ANO3: variants seen among roughly 807,000 people sequenced by gnomAD.
The protein encoded by ANO3 is anoctamin-3.
Under a neutral mutation model 144.8 loss-of-function variants are expected in ANO3, and 99 were observed. The observed-to-expected ratio is 0.68, with a 90% confidence interval of 0.58 to 0.81. The LOEUF is 0.81. Among genes scored for constraint, ANO3 ranks in the 30% least tolerant of loss-of-function variants. ANO3 has a pLI of 0.00. For synonymous variants in ANO3, 414 were observed against 392.6 expected (o/e 1.05, Z -0.64); for missense variants, 905 against 1,202.2 (o/e 0.75, Z 3.66).
intron 10 of ANO3, among the ~76,000 whole-genome samples, chr11:26,541,534 A>T (rs572634687): frequency 6.6e-6 from 1 of 152,300 alleles, no homozygotes; most frequent in African/African-American, 2.4e-5. Context: ...CTTAGCTTAT[A>T]AAAATGGAAG....
At chr11:26,472,079 T>C (rs1859804173) in intron 4 of ANO3, among the ~76,000 whole-genome samples, 1 of 151,950 alleles carries the variant, frequency 6.6e-6, no homozygotes, top group African/African-American at 2.4e-5. Flanking sequence ...GCATTCCAGT[T>C]AAATGGTGCA....
At chr11:26,307,824 G>A (rs116103120), upstream of ANO3, among the ~76,000 whole-genome samples, 129 of 151,762 alleles carry the variant, frequency 8.5e-4, no homozygotes, top group African/African-American at 2.9e-3. Context: ...ATTGCACTAC[G>A]TGTTTTCAGC....
intron 1 of ANO3, among the ~76,000 whole-genome samples, chr11:26,358,499 A>G (rs1295232179): frequency 6.6e-6 from 1 of 152,082 alleles, no homozygotes; most frequent in Non-Finnish European, 1.5e-5. Context: ...TCCTGTTGGG[A>G]TTTTTATTGG....
At position 26,641,899 on chromosome 11, in the gene ANO3, G is replaced by T; in HGVS notation, c.2145G>T (p.Leu715Phe). 1 of 1,613,926 alleles carries T rather than the reference G, an allele frequency of 6.2e-7. No homozygotes were observed. The highest frequency in any genetic ancestry group is 8.5e-7 in the Non-Finnish European group (1 of 1,179,928). The part of the protein sequence containing the change: ...WNNFMELGYP[L>F]IQNWWSRHKI... The stretch of plus-strand genomic sequence containing the variant: ...CTTGGTCTGCTCTGTGATGTAGGTT[G>T]ATCCAGAACTGGTGGTCACGACATA... The change falls in exon 22 of 27, where the codon TTG becomes TTT. Residue 715 changes from leucine to phenylalanine, a missense_variant. By Grantham distance (22) the Leu-to-Phe change is conservative. Around this residue, in one of 4 missense-constraint regions of ANO3, gnomAD observed 597 missense variants for 865.1 expected, o/e 0.69. Transcript: ENST00000256737.
chr11:26,604,389 A>G (rs1851881125), intron 17 of ANO3, among the ~76,000 whole-genome samples: 1 of 152,180 alleles, frequency 6.6e-6, no homozygotes, highest in African/African-American at 2.4e-5. Context: ...TGTCTTGGCT[A>G]TACGGGCTCT....
At chr11:26,236,296 A>G (rs1344197119) in intron 1 of ANO3, among the ~76,000 whole-genome samples, 1 of 152,212 alleles carries the variant, frequency 6.6e-6, no homozygotes, top group Non-Finnish European at 1.5e-5. Context: ...AAATATTAAT[A>G]CATAGATAGT....
chr11:26,328,421 A>C (rs562223473), upstream of ANO3, among the ~76,000 whole-genome samples: 2 of 152,338 alleles, frequency 1.3e-5, no homozygotes, highest in East Asian at 3.9e-4. Flanking sequence ...AATGAGAAGT[A>C]TCATTCACAA....
intron 12 of ANO3, among the ~76,000 whole-genome samples, 198 bp from the exon 13 acceptor site, chr11:26,553,050 AC>A (rs534015978): frequency 0.012 from 470 of 39,366 alleles, 5 homozygotes; most frequent in African/African-American, 0.038. Context: ...GGAATCCCAA[AC>A]TTTTGCATCA....
intron 3 of ANO3, among the ~76,000 whole-genome samples, chr11:26,452,945 A>C (rs547522383): frequency 6.6e-6 from 1 of 152,340 alleles, no homozygotes; most frequent in African/African-American, 2.4e-5. Flanking sequence ...AAAGAAAACA[A>C]TTTTCAACCC....
chr11:26,468,228 C>A (rs1051464156), intron 4 of ANO3, among the ~76,000 whole-genome samples: 1 of 151,962 alleles, frequency 6.6e-6, no homozygotes, highest in Non-Finnish European at 1.5e-5. Context: ...TAGTGAAGCT[C>A]AGCTGCGTAG....
At chr11:26,567,646 T>C (rs892498769) in intron 14 of ANO3, among the ~76,000 whole-genome samples, 1 of 152,006 alleles carries the variant, frequency 6.6e-6, no homozygotes, top group Admixed American at 6.6e-5. Flanking sequence ...ACTTCTAGAA[T>C]TTTAGACATA....
intron 1 of ANO3, among the ~76,000 whole-genome samples, chr11:26,337,984 A>G (rs148949286): frequency 2.0e-5 from 3 of 152,242 alleles, no homozygotes; most frequent in South Asian, 2.1e-4. Flanking sequence ...TACCTTGTTG[A>G]AAAGAGCACT....
rs1853899128 is a variant in ANO3 at position 26,662,265 on chromosome 11, C to T, written c.*1821C>T. ...CAGACTCTGAACTTCCCTCAAGTGC[C>T]GTTGTTATGTGAAACTCTTCCATTC... On this transcript the variant is annotated 3_prime_UTR_variant, in exon 27 of 27. Transcript: ENST00000256737. The T allele has an allele frequency of 6.6e-6, 1 of 151,906 alleles. No individual in the cohort carries two copies. Among genetic ancestry groups the T allele is most frequent in the Non-Finnish European group, 1.5e-5 (1 of 67,956 alleles). 9.4% of individuals were successfully genotyped at this position (151,906 alleles called of 1,614,324 possible). A position where few individuals can be genotyped will look rare whatever the true frequency, so the allele number is the denominator to read the frequency against.
At chr11:26,619,035 A>G (rs550588705) in intron 17 of ANO3, among the ~76,000 whole-genome samples, 1 of 152,264 alleles carries the variant, frequency 6.6e-6, no homozygotes, top group East Asian at 1.9e-4. Context: ...AGGATATGTC[A>G]TTTCTCCCAT....
chr11:26,268,679 A>C (rs1487527109), intron 1 of ANO3, among the ~76,000 whole-genome samples: 1 of 152,190 alleles, frequency 6.6e-6, no homozygotes, highest in South Asian at 2.1e-4. Flanking sequence ...ACCATCTCTG[A>C]TATCAGCCGA....
intron 8 of ANO3, among the ~76,000 whole-genome samples, chr11:26,532,942 A>G (rs1849410909): frequency 1.3e-5 from 2 of 152,210 alleles, no homozygotes; most frequent in African/African-American, 4.8e-5. Flanking sequence ...TCCATGAAAA[A>G]TTGAATTGAT....
intron 1 of ANO3, among the ~76,000 whole-genome samples, chr11:26,385,182 T>C (rs754198046): frequency 2.6e-5 from 4 of 152,008 alleles, no homozygotes. Flanking sequence ...GATGGAAAAA[T>C]AGATTGAATA....
intron 1 of ANO3, among the ~76,000 whole-genome samples, chr11:26,358,758 C>T (rs1040001666): frequency 2.0e-5 from 3 of 151,996 alleles, no homozygotes; most frequent in African/African-American, 7.2e-5. Context: ...AGTTTTCCTT[C>T]AGTCCACTCA....
intron 11 of ANO3, among the ~76,000 whole-genome samples, chr11:26,544,271 T>TACACACACACAC (rs1269843589): frequency 4.0e-5 from 3 of 74,686 alleles, no homozygotes; most frequent in Non-Finnish European, 8.1e-5. Context: ...TATATATATA[T>TACACACACACAC]ATACACACAT....
Sources: allele counts gnomAD v4.1 joint callset (sites outside exome capture counted in the v4.1 genomes callset), GRCh38; gene constraint gnomAD v4.1.1; regional missense constraint gnomAD v4.1.1; transcripts MANE v1.5; gene names NCBI Gene and HGNC (gene_info 2026-07-23, HGNC 2026-07-21).